Variants in PSKH1 observed in about 807,000 individuals in gnomAD.
PSKH1 encodes the protein serine/threonine-protein kinase H1.
PSKH1 carries 12 observed loss-of-function variants against 26.7 expected under a neutral mutation model. The ratio of observed to expected loss-of-function variants is 0.45; its 90% confidence interval spans 0.29 to 0.73. The LOEUF (loss-of-function observed/expected upper bound fraction) is 0.73. PSKH1 is among the 30% of genes least tolerant of loss of function. The pLI, the probability that PSKH1 is intolerant of heterozygous loss-of-function variation, is 0.11. For synonymous variants in PSKH1, 213 were observed against 234.3 expected (o/e 0.91, Z 0.83); for missense variants, 431 against 595.2 (o/e 0.72, Z 2.87).
chr16:67,918,199 A>T (rs1426251715), intron 2 of PSKH1, among the ~76,000 whole-genome samples: 1 of 152,208 alleles, frequency 6.6e-6, no homozygotes, highest in Non-Finnish European at 1.5e-5. Flanking sequence ...CAAGAGTTCT[A>T]TTCCTAGAGG....
chr16:67,917,847 G>C (rs915800526), intron 2 of PSKH1, among the ~76,000 whole-genome samples: 1 of 152,212 alleles, frequency 6.6e-6, no homozygotes, highest in African/African-American at 2.4e-5. Flanking sequence ...CTGAGGAGGA[G>C]ATGACTGGAA....
intron 1 of PSKH1, among the ~76,000 whole-genome samples, chr16:67,907,645 T>G (rs1474972760): frequency 1.3e-5 from 2 of 152,204 alleles, no homozygotes; most frequent in Non-Finnish European, 2.9e-5. Flanking sequence ...CCAAGTTCAC[T>G]GGGGTTGATT....
chr16:67,911,028 AG>A (rs1410090602), intron 2 of PSKH1, among the ~76,000 whole-genome samples: 1 of 151,914 alleles, frequency 6.6e-6, no homozygotes, highest in Non-Finnish European at 1.5e-5. Context: ...GTCCTTAGGA[AG>A]GATGCTGACT....
intron 1 of PSKH1, among the ~76,000 whole-genome samples, chr16:67,908,372 C>T (rs2058162455): frequency 2.0e-5 from 3 of 152,052 alleles, no homozygotes; most frequent in South Asian, 4.3e-4. Flanking sequence ...TGGGTTCAAT[C>T]GATTCTTGTG....
intron 2 of PSKH1, among the ~76,000 whole-genome samples, chr16:67,924,756 C>T (rs2058211666): frequency 6.6e-6 from 1 of 152,170 alleles, no homozygotes; most frequent in Admixed American, 6.5e-5. Flanking sequence ...TCCTCCTCTT[C>T]CTGGAGACTG....
chr16:67,903,443 T>C (rs1222122849), intron 1 of PSKH1, among the ~76,000 whole-genome samples: 1 of 152,074 alleles, frequency 6.6e-6, no homozygotes, highest in Non-Finnish European at 1.5e-5. Flanking sequence ...TGAGCCACTA[T>C]GCCCCATAGA....
At position 67,909,929 on chromosome 16, in the gene PSKH1, T is replaced by A; in HGVS notation, c.957+223T>A. ...GCAGATAGTTTATTTGGGATGTGATTTGAGTAACTAAAAGTGAAGGAGTGG... is the reference window on the plus strand; with the variant it reads ...GCAGATAGTTTATTTGGGATGTGATATGAGTAACTAAAAGTGAAGGAGTGG... On this transcript the variant is annotated intron_variant, in intron 2 of 2. Transcript: ENST00000291041. The surrounding 1 kb of genome is among the most constrained non-coding windows in gnomAD (Gnocchi z 7.8). The A allele has an allele frequency of 1.7e-6, 1 of 579,372 alleles. No individual in the cohort carries two copies. The highest frequency in any genetic ancestry group is 2.2e-5 in the South Asian group (1 of 44,456). 35.9% of individuals were successfully genotyped at this position (579,372 alleles called of 1,614,324 possible). A position where few individuals can be genotyped will look rare whatever the true frequency, so the allele number is the denominator to read the frequency against.
rs1320571041 is a variant in PSKH1 at position 67,929,468 on chromosome 16, C to A, written c.*1826C>A. 6.2e-6 allele frequency: 1 copy of A among 161,112 alleles called. No individual in the cohort carries two copies. The highest frequency in any genetic ancestry group is 5.8e-5 in the Admixed American group (1 of 17,300). The allele number at this position is 161,112 out of a possible 1,614,324, so 10.0% of individuals were successfully genotyped here. A position where few individuals can be genotyped will look rare whatever the true frequency, so the allele number is the denominator to read the frequency against. ...TGGGGACCTGAAGCCCTGGGGCTTA[C>A]GTTCTCTCTTGCCCAGGGTGGGCCT... On this transcript the variant is annotated 3_prime_UTR_variant, in exon 3 of 3. Transcript: ENST00000291041.
Position 67,927,225 on chromosome 16 carries a change from CCTCT to C in PSKH1, c.958-95_958-92del, listed in dbSNP as rs1210707586. ...GTGCTACATGAGAGGAGGGGCAGCACCTCTCTCTGGAAAGGGGAGGGTTGCTGAG... is the reference window on the plus strand; with the variant it reads ...GTGCTACATGAGAGGAGGGGCAGCACCTCTGGAAAGGGGAGGGTTGCTGAG... On this transcript the variant is annotated intron_variant, in intron 2 of 2. Transcript: ENST00000291041. The surrounding 1 kb of genome is among the most constrained non-coding windows in gnomAD (Gnocchi z 5.5). 2 of 1,249,354 alleles carry C rather than the reference CCTCT, an allele frequency of 1.6e-6. No homozygotes were observed. The highest frequency in any genetic ancestry group is 1.5e-5 in the African/African-American group (1 of 66,740). 77.4% of individuals were successfully genotyped at this position (1,249,354 alleles called of 1,614,324 possible).
Position 67,929,623 on chromosome 16 carries a change from C to T in PSKH1, c.*1981C>T, listed in dbSNP as rs562561944. ...TGCGTATTCAGTTTGTAAACGTATC[C>T]TCTGTATTCAGTAAACAGGCTGCCT... On this transcript the variant is annotated 3_prime_UTR_variant, in exon 3 of 3. Coordinates refer to ENST00000291041, the MANE Select transcript of PSKH1 (RefSeq NM_006742.3). 9.9e-6 allele frequency: 4 copies of T among 402,012 alleles called. No homozygotes were observed. The highest frequency in any genetic ancestry group is 4.4e-5 in the East Asian group (1 of 22,764). 24.9% of individuals were successfully genotyped at this position (402,012 alleles called of 1,614,324 possible). A position where few individuals can be genotyped will look rare whatever the true frequency, so the allele number is the denominator to read the frequency against.
chr16:67,905,275 C>G (rs143016882), intron 1 of PSKH1, among the ~76,000 whole-genome samples: 1 of 152,264 alleles, frequency 6.6e-6, no homozygotes, highest in Admixed American at 6.5e-5. Flanking sequence ...TTGTGTTGCT[C>G]TCCATAACCA....
At chr16:67,914,153 AT>A (rs937835400) in intron 2 of PSKH1, among the ~76,000 whole-genome samples, 69 of 146,688 alleles carry the variant, frequency 4.7e-4, no homozygotes, top group Non-Finnish European at 4.1e-4. Context: ...CTGAAACTGA[AT>A]TTTTTTTTTT....
At position 67,908,825 on chromosome 16, in the gene PSKH1, C is replaced by A. The variant is rs2058163843; in HGVS notation, c.76C>A (p.Pro26Thr). The A allele has an allele frequency of 3.1e-6, 5 of 1,613,622 alleles. No homozygotes were observed. The highest frequency in any genetic ancestry group is 4.2e-6 in the Non-Finnish European group (5 of 1,179,758). ...GCTGGATCTGGTCAAGAAGGTGGAG[C>A]CCTTCAGTGGCACTAAGAGTGACGT... ...VQLDLVKKVE[P>T]FSGTKSDVYK... Residue 26 changes from proline to threonine, a missense_variant, in exon 2 of 3, where the codon CCC becomes ACC. By Grantham distance (38) the Pro-to-Thr change is conservative. Transcript: ENST00000291041.
Position 67,927,032 on chromosome 16 carries a change from G to T in PSKH1, c.958-293G>T, listed in dbSNP as rs1111165. Among the ~76,000 whole-genome samples, 1 of 152,074 alleles carries T rather than the reference G, an allele frequency of 6.6e-6. No individual in the cohort carries two copies. Among genetic ancestry groups the T allele is most frequent in the Non-Finnish European group, 1.5e-5 (1 of 67,980 alleles). ...GTTATGATACTCCTGGGACAAGTTC[G>T]GGGGGGTCTTGGCAGAGGCCATCTC... On this transcript the variant is annotated intron_variant, in intron 2 of 2. Transcript: ENST00000291041. The surrounding 1 kb of genome is among the most constrained non-coding windows in gnomAD (Gnocchi z 5.5).
intron 1 of PSKH1, among the ~76,000 whole-genome samples, chr16:67,901,011 C>T (rs1396268156): frequency 6.6e-6 from 1 of 152,136 alleles, no homozygotes; most frequent in Admixed American, 6.5e-5. Flanking sequence ...TTTCACCTGA[C>T]CACAGTGTGG....
At chr16:67,904,358 C>T (rs1030442973) in intron 1 of PSKH1, among the ~76,000 whole-genome samples, 1 of 151,926 alleles carries the variant, frequency 6.6e-6, no homozygotes, top group African/African-American at 2.4e-5. Flanking sequence ...TGCGCCACCA[C>T]GCCCGACTAA....
intron 2 of PSKH1, among the ~76,000 whole-genome samples, chr16:67,918,592 C>CTT (rs1238011875): frequency 4.5e-5 from 6 of 134,314 alleles, no homozygotes; most frequent in African/African-American, 1.4e-4. Context: ...ACCTGTAGTT[C>CTT]TTTTTTTTTT....
chr16:67,895,868 G>C (rs2058125021), intron 1 of PSKH1, among the ~76,000 whole-genome samples: 1 of 138,028 alleles, frequency 7.2e-6, no homozygotes, highest in South Asian at 2.2e-4. Context: ...ATGGGCTTTG[G>C]TGTCAGAAAG....
At chr16:67,902,024 C>T (rs747757122) in intron 1 of PSKH1, among the ~76,000 whole-genome samples, 5 of 151,990 alleles carry the variant, frequency 3.3e-5, no homozygotes, top group Admixed American at 6.6e-5. Context: ...CTTTAGGAGG[C>T]GGAGGTGGGC....
Sources: allele counts gnomAD v4.1 joint callset (sites outside exome capture counted in the v4.1 genomes callset), GRCh38; gene constraint gnomAD v4.1.1; non-coding constraint Gnocchi (gnomAD v3.1); transcripts MANE v1.5; gene names NCBI Gene and HGNC (gene_info 2026-07-23, HGNC 2026-07-21).